Variants in RAPGEF3 observed in about 807,000 individuals in gnomAD.
RAPGEF3 encodes 9330170P05Rik.
In RAPGEF3, 103 loss-of-function variants were observed where a neutral mutation model predicts 129.8. The ratio of observed to expected loss-of-function variants is 0.79; its 90% CI spans 0.68 to 0.93. RAPGEF3 has a LOEUF of 0.93. Ranked by LOEUF, RAPGEF3 falls within the 40% of genes least tolerant of loss-of-function variation. The pLI is 0.00. For synonymous variants in RAPGEF3, 436 were observed against 482.6 expected, an observed-to-expected ratio of 0.90 and a Z score of 1.26; for missense variants, 1,117 against 1,207.4, an observed-to-expected ratio of 0.93 and a Z score of 1.11.
chr12:47,756,423 G>A (rs1056899788), intron 2 of RAPGEF3: 8 of 152,356 alleles, frequency 5.3e-5, no homozygotes, highest in Admixed American at 4.6e-4. Flanking sequence ...GTGACCCGGA[G>A]AGCGGAGAGC....
chr12:47,753,749 G>A (rs1941895403), intron 2 of RAPGEF3, among the ~76,000 whole-genome samples: 1 of 152,220 alleles, frequency 6.6e-6, no homozygotes, highest in Non-Finnish European at 1.5e-5. Flanking sequence ...ATGCCCAGGT[G>A]GCCCCAGTCC....
At chr12:47,756,096 T>G (rs962486067) in intron 2 of RAPGEF3, 5 of 152,190 alleles carry the variant, frequency 3.3e-5, no homozygotes, top group African/African-American at 1.2e-4. Context: ...GGCCTTGTTT[T>G]GGTGCCTTTG....
rs1592541301 is a variant in RAPGEF3 at position 47,741,489 on chromosome 12, C to A, written c.1923+16G>T. On this transcript the variant is annotated intron_variant, in intron 19 of 27. Coordinates refer to ENST00000449771, the MANE Select transcript of RAPGEF3 (RefSeq NM_001098531.4). Reference sequence around the variant, plus strand: ...AGATCTCCTCCCTGGGCCCTGGCACCCTGCCTGGTCCCTACCAGCTCATGC... The same window carrying A: ...AGATCTCCTCCCTGGGCCCTGGCACACTGCCTGGTCCCTACCAGCTCATGC... The A allele has an allele frequency of 6.2e-7, 1 of 1,608,870 alleles. No homozygotes were observed. Among genetic ancestry groups the A allele is most frequent in the East Asian group, 2.2e-5 (1 of 44,852 alleles).
chr12:47,737,941 G>A, intron 27 of RAPGEF3, 81 bp downstream of exon 27: 4 of 1,513,492 alleles, frequency 2.6e-6, no homozygotes, highest in Non-Finnish European at 3.7e-6. Flanking sequence ...CTGGCACATG[G>A]CAAGTGCCTA....
At chr12:47,753,334 G>T (rs541085321) in intron 2 of RAPGEF3, among the ~76,000 whole-genome samples, 3 of 152,072 alleles carry the variant, frequency 2.0e-5, no homozygotes, top group South Asian at 2.1e-4. Flanking sequence ...CACCCCACCT[G>T]CCCCTTTCCT....
intron 7 of RAPGEF3, 66 bp from the exon 8 acceptor site, chr12:47,750,056 A>C (rs1316071167): frequency 1.3e-6 from 2 of 1,585,414 alleles, no homozygotes; most frequent in African/African-American, 2.7e-5. Flanking sequence ...GGCTTTTGCT[A>C]GGGGTGTGGT....
chr12:47,741,304 C>T lies in RAPGEF3; in HGVS notation c.1923+201G>A, dbSNP rs1941150701. On this transcript the variant is annotated intron_variant, in intron 19 of 27. Transcript: ENST00000449771. ...CTCTTTCTCCTTGGGAGCTCCCAAC[C>T]AGTGCTACCAGCCCCTGCCCTGCAC... is the stretch of plus-strand genomic sequence containing the variant. The T allele has an allele frequency of 6.0e-6, 4 of 664,416 alleles. No homozygotes were observed. The Admixed American group carries it at 1.2e-4, about 19-fold the overall frequency. The allele number at this position is 664,416 out of a possible 1,614,324, so 41.2% of individuals were successfully genotyped here. A position where few individuals can be genotyped will look rare whatever the true frequency, so the allele number is the denominator to read the frequency against.
Position 47,749,659 on chromosome 12 carries a change from A to G in RAPGEF3, c.894+82T>C, listed in dbSNP as rs937287503. 1 of 1,594,280 alleles carries G rather than the reference A, an allele frequency of 6.3e-7. No homozygotes were observed. The highest frequency in any genetic ancestry group is 8.6e-7 in the Non-Finnish European group (1 of 1,168,158). ...GACACGGGGTCAGCAGCAGTAGATC[A>G]ACAAAGGCACTGCCCATGAGGACAT... is the stretch of plus-strand genomic sequence containing the variant. On this transcript the variant is annotated intron_variant, in intron 9 of 27. Coordinates refer to ENST00000449771, the MANE Select transcript of RAPGEF3 (RefSeq NM_001098531.4). This position sits in a 1 kb window ranked among gnomAD's most constrained non-coding sequence, Gnocchi z 4.5.
rs527575890 is a variant in RAPGEF3 at position 47,754,856 on chromosome 12, G to A, written c.220-2887C>T. 5.1e-4 allele frequency among the ~76,000 whole-genome samples: 78 copies of A among 152,324 alleles called. 1 individual carries two copies. The highest frequency in any genetic ancestry group is 1.8e-3 in the African/African-American group (73 of 41,566). The stretch of plus-strand genomic sequence containing the variant: ...CACTCCCCACTCTCATTCCTGAACA[G>A]AAAGGGTTCAGGGCGGAAGAGGAGG... On this transcript the variant is annotated intron_variant, in intron 2 of 27. Transcript: ENST00000449771.
At position 47,758,726 on chromosome 12, in the gene RAPGEF3, A is replaced by T; in HGVS notation, c.-170T>A. ...ACTGGCTGCCAGGGCAGCAGGATGC[A>T]GGGCTCGGTGGAGAGGCTCCTCTTG... On this transcript the variant is annotated 5_prime_UTR_variant, in exon 1 of 28. Coordinates refer to ENST00000449771, the MANE Select transcript of RAPGEF3 (RefSeq NM_001098531.4). The T allele has an allele frequency of 2.3e-5, 27 of 1,171,844 alleles. No homozygotes were observed. The highest frequency in any genetic ancestry group is 4.9e-5 in the East Asian group (1 of 20,430). 72.6% of individuals were successfully genotyped at this position (1,171,844 alleles called of 1,614,324 possible).
chr12:47,738,806 A>G (rs780002128), intron 24 of RAPGEF3, 52 bp from the exon 25 acceptor site: 3 of 1,498,602 alleles, frequency 2.0e-6, no homozygotes, highest in Admixed American at 3.3e-5. Flanking sequence ...GCCCTCCTGT[A>G]GCCCAGAAAA....
chr12:47,756,135 C>T (rs1015857220), intron 2 of RAPGEF3: 1 of 152,226 alleles, frequency 6.6e-6, no homozygotes, highest in East Asian at 1.9e-4. Flanking sequence ...CAACCTTTAC[C>T]CCCACCTTTC....
In RAPGEF3 at chr12:47,751,152, G is replaced by A. The variant is rs61733250; in HGVS notation, c.567C>T (p.Pro189=). 2.7e-3 allele frequency: 4,235 copies of A among 1,559,996 alleles called. 18 individuals are homozygous for A. Among genetic ancestry groups the A allele is most frequent in the Middle Eastern group, 4.2e-3 (25 of 5,998 alleles). The part of the protein sequence containing the change: ...AQFYRFPGPE[P]EPVRTHEMEE... ...CCATCTCATGAGTTCTCACGGGCTC[G>A]GGCTCGGGCCCGGGGAACCGGTAGA... Residue 189 remains proline (P), a synonymous_variant, in exon 6 of 28, where the codon CCC becomes CCT. Coordinates refer to ENST00000449771, the MANE Select transcript of RAPGEF3 (RefSeq NM_001098531.4).
rs148525602 is a variant in RAPGEF3, at chr12:47,740,945, G to A, written c.2019C>T (p.His673=). 1,103 of 1,613,972 alleles carry A rather than the reference G, an allele frequency of 6.8e-4. 1 individual carries two copies. Among genetic ancestry groups the A allele is most frequent in the Non-Finnish European group, 8.5e-4 (1,004 of 1,180,004 alleles). ...GGATACTGTTGAAGAGGCTCCAGTC[G>A]TGGTCCGTCAGCTGGCCTGCCAGGT... is the stretch of plus-strand genomic sequence containing the variant. ...AKDLAGQLTD[H]DWSLFNSIHQ... Residue 673 remains histidine (H), a synonymous_variant, in exon 20 of 28, where the codon CAC becomes CAT. Transcript: ENST00000449771.
chr12:47,743,273 C>A (rs1385889537), intron 18 of RAPGEF3, among the ~76,000 whole-genome samples: 2 of 152,236 alleles, frequency 1.3e-5, no homozygotes, highest in Non-Finnish European at 2.9e-5. Flanking sequence ...GGATGAAGTA[C>A]CCTGCCAGAG....
chr12:47,738,504 G>A (rs1026070287), intron 25 of RAPGEF3, among the ~76,000 whole-genome samples, 186 bp downstream of exon 25: 2 of 152,166 alleles, frequency 1.3e-5, no homozygotes, highest in East Asian at 1.9e-4. Flanking sequence ...ATGGTGAGAC[G>A]TCTGAGGCTG....
Position 47,758,767 on chromosome 12 carries a change from G to C in RAPGEF3, c.-211C>G, listed in dbSNP as rs964751006. On this transcript the variant is annotated 5_prime_UTR_variant, in exon 1 of 28. Transcript: ENST00000449771. ...GCTCCTCTTGGGTGAGTAGAGGGGTGGGGGCGTGGTGGGGGGACGCCACCC... is the reference window on the plus strand; with the variant it reads ...GCTCCTCTTGGGTGAGTAGAGGGGTCGGGGCGTGGTGGGGGGACGCCACCC... 1 of 1,241,634 alleles carries C rather than the reference G, an allele frequency of 8.1e-7. No individual in the cohort carries two copies. Among genetic ancestry groups the C allele is most frequent in the African/African-American group, 1.5e-5 (1 of 64,592 alleles). 76.9% of individuals were successfully genotyped at this position (1,241,634 alleles called of 1,614,324 possible). A position where few individuals can be genotyped will look rare whatever the true frequency, so the allele number is the denominator to read the frequency against.
intron 16 of RAPGEF3, chr12:47,744,811 C>T (rs1281518898): frequency 1.3e-5 from 2 of 152,380 alleles, no homozygotes; most frequent in East Asian, 3.9e-4. Flanking sequence ...ATCCATTGCT[C>T]TTCCCTACAT....
At position 47,747,845 on chromosome 12, in the gene RAPGEF3, G is replaced by A. The variant is rs201879522; in HGVS notation, c.1340C>T (p.Ala447Val). The A allele has an allele frequency of 1.2e-5, 20 of 1,603,758 alleles. No homozygotes were observed. Among genetic ancestry groups the A allele is most frequent in the Admixed American group, 1.7e-5 (1 of 59,984 alleles). ...GCTGCGCTCCTGCTCGCTGCCACCCGCAGGCTCCACATGGAAGGTGGGCAC... is the reference window on the plus strand; with the variant it reads ...GCTGCGCTCCTGCTCGCTGCCACCCACAGGCTCCACATGGAAGGTGGGCAC... The part of the protein sequence containing the change: ...ALLHHFHVEP[A>V]GGSEQERSTY... Residue 447 changes from alanine to valine, a missense_variant, in exon 14 of 28, where the codon GCG (alanine) becomes GTG (valine). Ala to Val is a moderately conservative substitution (Grantham distance 64, BLOSUM62 0). This residue lies in a region of RAPGEF3 where 643 missense variants were observed against 673.4 expected (regional missense o/e 0.95). Coordinates refer to ENST00000449771, the MANE Select transcript of RAPGEF3 (RefSeq NM_001098531.4).
Sources: allele counts gnomAD v4.1 joint callset (sites outside exome capture counted in the v4.1 genomes callset), GRCh38; gene constraint gnomAD v4.1.1; regional missense constraint gnomAD v4.1.1; non-coding constraint Gnocchi (gnomAD v3.1); transcripts MANE v1.5; gene names NCBI Gene and HGNC (gene_info 2026-07-23, HGNC 2026-07-21).